Variants in PRKG1 observed in about 807,000 individuals in gnomAD.
PRKG1 encodes the protein cGMP-dependent protein kinase 1.
In PRKG1, 35 loss-of-function variants were observed where a neutral mutation model predicts 88.1. That is an observed-to-expected ratio of 0.40 (90% CI 0.30 to 0.53). The LOEUF is 0.53. Among genes scored for constraint, PRKG1 ranks in the 20% least tolerant of loss-of-function variants. The pLI is 0.59. For missense variants in PRKG1, 540 were observed against 839.8 expected (o/e 0.64, Z 4.41); for synonymous variants, 303 against 292.5 (o/e 1.04, Z -0.37).
intron 3 of PRKG1, among the ~76,000 whole-genome samples, chr10:51,497,676 A>G (rs1840899289): frequency 6.6e-6 from 1 of 152,172 alleles, no homozygotes; most frequent in African/African-American, 2.4e-5. Flanking sequence ...TAGATTAGAG[A>G]TCAGGTAGGA....
At chr10:51,663,561 TA>T (rs1235925631) in intron 3 of PRKG1, among the ~76,000 whole-genome samples, 4 of 151,150 alleles carry the variant, frequency 2.6e-5, no homozygotes, top group African/African-American at 9.7e-5. Flanking sequence ...AAAAAAAAAC[TA>T]AAAAATTAGC....
chr10:51,240,757 C>T (rs1484234776), intron 2 of PRKG1, among the ~76,000 whole-genome samples: 1 of 152,056 alleles, frequency 6.6e-6, no homozygotes, highest in African/African-American at 2.4e-5. Flanking sequence ...CCTAAACATC[C>T]TTGGTAGTCA....
At chr10:52,166,849 GTCTATATA>G (rs2132700312) in intron 9 of PRKG1, among the ~76,000 whole-genome samples, 1 of 49,164 alleles carries the variant, frequency 2.0e-5, no homozygotes, top group Non-Finnish European at 4.1e-5. Context: ...GTATATATAT[GTCTATATA>G]TATATCTGTA....
chr10:51,448,279 C>G (rs897392347), intron 2 of PRKG1, among the ~76,000 whole-genome samples: 1 of 151,784 alleles, frequency 6.6e-6, no homozygotes, highest in African/African-American at 2.4e-5. Context: ...AGAAAATAAA[C>G]AAAAAAACTT....
At chr10:51,872,125 A>G (rs1841173732) in intron 4 of PRKG1, among the ~76,000 whole-genome samples, 1 of 152,246 alleles carries the variant, frequency 6.6e-6, no homozygotes, top group South Asian at 2.1e-4. Context: ...TCTGCACCTG[A>G]AGTCTAGATT....
chr10:51,658,226 T>A (rs1840209628), intron 3 of PRKG1, among the ~76,000 whole-genome samples: 1 of 152,082 alleles, frequency 6.6e-6, no homozygotes, highest in African/African-American at 2.4e-5. Flanking sequence ...CAAGTGAGAC[T>A]CTCTTTATGA....
At chr10:51,392,755 G>T (rs1267901028) in intron 2 of PRKG1, among the ~76,000 whole-genome samples, 67 of 140,348 alleles carry the variant, frequency 4.8e-4, no homozygotes, top group Non-Finnish European at 6.9e-4. Context: ...CTGGCCGGGC[G>T]GGGGGCTGAC....
intron 3 of PRKG1, among the ~76,000 whole-genome samples, chr10:51,478,470 A>G (rs1840263139): frequency 6.6e-6 from 1 of 152,088 alleles, no homozygotes; most frequent in African/African-American, 2.4e-5. Flanking sequence ...TTCTGGCCAA[A>G]TCCTTGACCA....
chr10:51,961,087 G>C (rs1412811859), intron 5 of PRKG1, among the ~76,000 whole-genome samples: 1 of 152,176 alleles, frequency 6.6e-6, no homozygotes, highest in Admixed American at 6.6e-5. Flanking sequence ...TATAAGGTTA[G>C]TGAATGTAAT....
chr10:51,764,748 C>A (rs903993950), intron 3 of PRKG1, among the ~76,000 whole-genome samples: 2 of 152,082 alleles, frequency 1.3e-5, no homozygotes, highest in Admixed American at 6.6e-5. Context: ...TGGTCTCCCC[C>A]CAAAATTAGG....
rs184323779 is a variant in PRKG1, at chr10:51,241,288, T to C, written c.478+87958T>C. On this transcript the variant is annotated intron_variant, in intron 2 of 17. Transcript: ENST00000373980. ...TCATGGCACAGGCAGCCTGTGGAGCTAGCTCATTTGCTCCAATCCAAAAAA... is the reference window on the plus strand; with the variant it reads ...TCATGGCACAGGCAGCCTGTGGAGCCAGCTCATTTGCTCCAATCCAAAAAA... Among the ~76,000 whole-genome samples, 4 of 151,324 alleles carry C rather than the reference T, an allele frequency of 2.6e-5. No homozygotes were observed. The East Asian group carries it at 5.8e-4, about 22-fold the overall frequency.
At chr10:52,038,646 T>C (rs887212219) in intron 5 of PRKG1, among the ~76,000 whole-genome samples, 1 of 152,078 alleles carries the variant, frequency 6.6e-6, no homozygotes, top group Non-Finnish European at 1.5e-5. Flanking sequence ...TACTTGCCCC[T>C]TTCCCAGAAA....
intron 12 of PRKG1, among the ~76,000 whole-genome samples, chr10:52,275,269 AG>A (rs1209350134): frequency 2.0e-5 from 3 of 152,226 alleles, no homozygotes; most frequent in Admixed American, 2.0e-4. Context: ...GCCAATGTCT[AG>A]AAGGGTTTTT....
chr10:51,255,545 AT>A (rs145041912), intron 2 of PRKG1, among the ~76,000 whole-genome samples: 2,024 of 152,110 alleles, frequency 0.013, 52 homozygotes, highest in African/African-American at 0.045. Context: ...TGTTCTTGGG[AT>A]TTGGATTTGG....
rs549802724 is a variant in PRKG1 at position 51,432,758 on chromosome 10, T to C, written c.479-34965T>C. On this transcript the variant is annotated intron_variant, in intron 2 of 17. Transcript: ENST00000373980. ...TTGTACCCAGCAAACATACAGATTG[T>C]TCTTTACACTTGTGTCATCACATCT... 7.4e-4 allele frequency among the ~76,000 whole-genome samples: 112 copies of C among 152,190 alleles called. 1 individual carries two copies. The highest frequency in any genetic ancestry group is 1.4e-3 in the Non-Finnish European group (95 of 68,032).
chr10:51,809,794 A>G lies in PRKG1; in HGVS notation c.698+5104A>G, dbSNP rs58837535. 3.0e-4 allele frequency among the ~76,000 whole-genome samples: 45 copies of G among 152,148 alleles called. No homozygotes were observed. The East Asian group carries it at 8.5e-3, about 29-fold the overall frequency. On this transcript the variant is annotated intron_variant, in intron 4 of 17. Coordinates refer to ENST00000373980, the MANE Select transcript of PRKG1 (RefSeq NM_006258.4). ...TCCCTCTTGCATTAAACCTTTCCATATCTTCCCATCACTCCTAGGAGAAAG... is the reference window on the plus strand; with the variant it reads ...TCCCTCTTGCATTAAACCTTTCCATGTCTTCCCATCACTCCTAGGAGAAAG...
intron 2 of PRKG1, among the ~76,000 whole-genome samples, chr10:51,367,987 T>C (rs1842624460): frequency 6.6e-6 from 1 of 151,914 alleles, no homozygotes; most frequent in Admixed American, 6.6e-5. Flanking sequence ...CTGATTATAG[T>C]GTTTTGCTGA....
At position 51,226,009 on chromosome 10, in the gene PRKG1, G is replaced by T. The variant is rs1422768329; in HGVS notation, c.478+72679G>T. 2.0e-5 allele frequency among the ~76,000 whole-genome samples: 3 copies of T among 152,118 alleles called. No individual in the cohort carries two copies. In the East Asian group the frequency reaches 5.8e-4, roughly 29 times the overall value. ...GTCTGAGCTCAGGAGTTTGAGATCA[G>T]CCTGGGCAACACGGTGAAACACCGC... On this transcript the variant is annotated intron_variant, in intron 2 of 17. Transcript: ENST00000373980.
Position 51,847,783 on chromosome 10 carries a change from C to T in PRKG1, c.698+43093C>T, listed in dbSNP as rs114642753. Among the ~76,000 whole-genome samples, 777 of 122,592 alleles carry T rather than the reference C, an allele frequency of 6.3e-3. 11 individuals carry two copies. The highest frequency in any genetic ancestry group is 0.024 in the African/African-American group (758 of 32,092). The allele number at this position is 122,592 out of a possible 152,430, so 80.4% of individuals were successfully genotyped here. A position where few individuals can be genotyped will look rare whatever the true frequency, so the allele number is the denominator to read the frequency against. On this transcript the variant is annotated intron_variant, in intron 4 of 17. Coordinates refer to ENST00000373980, the MANE Select transcript of PRKG1 (RefSeq NM_006258.4). ...CCCAGTGGCCAGGGAGGCTGAGGTG[C>T]TTGAACCCAGGAGTTTGAGGCCAGC... is the stretch of plus-strand genomic sequence containing the variant.
Sources: gnomAD v4.1 joint callset for allele counts (sites outside exome capture counted in the v4.1 genomes callset) on GRCh38, gnomAD v4.1.1 for gene constraint, MANE v1.5 for transcripts, NCBI Gene and HGNC (gene_info 2026-07-23, HGNC 2026-07-21) for gene names.